The following MYO3B variants were observed in gnomAD, a reference collection of about 807,000 sequenced individuals.
MYO3B encodes myosin-IIIb.
A neutral mutation model predicts 174.6 loss-of-function variants in MYO3B; 156 were observed. The ratio of observed to expected loss-of-function variants is 0.89; its 90% CI spans 0.78 to 1.02. The LOEUF is 1.02. Among genes scored for constraint, MYO3B ranks in the 50% least tolerant of loss-of-function variants. The probability of loss-of-function intolerance (pLI) is 0.00; values close to 1 mark genes in which losing one functional copy is unlikely to be tolerated. For synonymous variants in MYO3B, 563 were observed against 569.1 expected (o/e 0.99, Z 0.15); for missense variants, 1,632 against 1,639.4 (o/e 1.00, Z 0.08).
intron 32 of MYO3B, among the ~76,000 whole-genome samples, chr2:170,610,521 A>C (rs946395399): frequency 9.2e-5 from 14 of 152,012 alleles, no homozygotes; most frequent in African/African-American, 3.4e-4. Flanking sequence ...CTAAACAAAA[A>C]CTCACTATAG....
At position 170,500,464 on chromosome 2, in the gene MYO3B, G is replaced by A. The variant is rs189801779; in HGVS notation, c.3289+656G>A. ...GGATTCACACAGTTGAATATCTTCT[G>A]GAGGAGTTTGCCTTTAATAGATAGG... On this transcript the variant is annotated intron_variant, in intron 27 of 34. Coordinates refer to ENST00000408978, the MANE Select transcript of MYO3B (RefSeq NM_138995.5). Among the ~76,000 whole-genome samples, 297 of 152,258 alleles carry A rather than the reference G, an allele frequency of 2.0e-3. 2 individuals are homozygous for A. The highest frequency in any genetic ancestry group is 6.9e-3 in the African/African-American group (286 of 41,550).
Position 170,370,901 on chromosome 2 carries a change from T to TC in MYO3B, c.971+1524_971+1525insC, listed in dbSNP as rs1267526191. ...GATCTATGCTCTCTCTCTCTCTCTC[T>TC]TTTTTTTTCTTTTTTTTTCAAAAAG... On this transcript the variant is annotated intron_variant, in intron 9 of 34. Coordinates refer to ENST00000408978, the MANE Select transcript of MYO3B (RefSeq NM_138995.5). 3.4e-5 allele frequency among the ~76,000 whole-genome samples: 5 copies of TC among 148,016 alleles called. No individual in the cohort carries two copies. In the Admixed American group the frequency reaches 3.4e-4, roughly 10 times the overall value.
intron 25 of MYO3B, among the ~76,000 whole-genome samples, chr2:170,483,163 T>A (rs1032243164): frequency 3.9e-5 from 6 of 152,268 alleles, no homozygotes; most frequent in Admixed American, 2.6e-4. Context: ...GGTGGCAGAA[T>A]AATAAGCCCA....
chr2:170,206,815 A>G lies in MYO3B; in HGVS notation c.321+6531A>G, dbSNP rs78396085. On this transcript the variant is annotated intron_variant, in intron 3 of 34. Transcript: ENST00000408978. This position sits in a 1 kb window ranked among gnomAD's most constrained non-coding sequence, Gnocchi z 4.3. Reference sequence around the variant, plus strand: ...GTGAGGGCAGAGGCTTCGGAACTGTATTGTAACCACAAAGTCCTTGTGATA... The same window carrying G: ...GTGAGGGCAGAGGCTTCGGAACTGTGTTGTAACCACAAAGTCCTTGTGATA... Among the ~76,000 whole-genome samples the G allele has an allele frequency of 6.6e-3, 1,010 of 152,164 alleles. 8 individuals carry two copies. Among genetic ancestry groups the G allele is most frequent in the African/African-American group, 0.023 (960 of 41,508 alleles).
At chr2:170,331,681 G>A (rs1189557376) in intron 7 of MYO3B, among the ~76,000 whole-genome samples, 1 of 152,154 alleles carries the variant, frequency 6.6e-6, no homozygotes, top group Non-Finnish European at 1.5e-5. Context: ...TCTTAAGGCT[G>A]AGGGGAAATT....
At chr2:170,369,102 T>C in intron 8 of MYO3B, 120 bp from the exon 9 acceptor site, 1 of 767,830 alleles carries the variant, frequency 1.3e-6, no homozygotes, top group African/African-American at 1.7e-5. Context: ...GAGCTGTGTA[T>C]CATTAACCAA....
chr2:170,291,936 G>A (rs539087769), intron 7 of MYO3B, among the ~76,000 whole-genome samples: 1 of 152,100 alleles, frequency 6.6e-6, no homozygotes, highest in South Asian at 2.1e-4. Flanking sequence ...TCTGTTTGGT[G>A]TTCTTTGACC....
chr2:170,183,818 G>C (rs2092432022), intron 1 of MYO3B, among the ~76,000 whole-genome samples: 1 of 152,074 alleles, frequency 6.6e-6, no homozygotes, highest in Non-Finnish European at 1.5e-5. Flanking sequence ...TTTGGTTTGA[G>C]AGATATGTTT....
intron 8 of MYO3B, among the ~76,000 whole-genome samples, chr2:170,343,080 CCT>C: frequency 6.7e-6 from 1 of 149,090 alleles, no homozygotes; most frequent in African/African-American, 2.5e-5. Context: ...CACACACACC[CCT>C]CTCCACCCCT....
chr2:170,401,836 G>A (rs867715968), intron 18 of MYO3B, 145 bp downstream of exon 18: 3 of 752,702 alleles, frequency 4.0e-6, no homozygotes, highest in East Asian at 5.5e-5. Context: ...AGAGTCTCAC[G>A]CTGTTGCCCA....
At chr2:170,475,227 G>A (rs1398837180) in intron 25 of MYO3B, among the ~76,000 whole-genome samples, 3 of 151,992 alleles carry the variant, frequency 2.0e-5, no homozygotes, top group Admixed American at 6.6e-5. Flanking sequence ...CTTCCCTTTC[G>A]CAGGGTCTCT....
intron 32 of MYO3B, among the ~76,000 whole-genome samples, chr2:170,608,693 C>T (rs575879403): frequency 1.3e-5 from 2 of 152,082 alleles, no homozygotes; most frequent in African/African-American, 4.8e-5. Context: ...GACAGACAGA[C>T]AGACAGACAG....
chr2:170,179,120 GC>G (rs1004304147), intron 1 of MYO3B, among the ~76,000 whole-genome samples: 19 of 152,144 alleles, frequency 1.2e-4, no homozygotes, highest in Admixed American at 1.2e-3. Context: ...TGCATGGGGG[GC>G]TTAATAGGTG....
chr2:170,256,284 C>G (rs6727921), intron 7 of MYO3B, among the ~76,000 whole-genome samples: 151,755 of 152,288 alleles, frequency 1, 75,611 homozygotes, highest in Middle Eastern at 1. Context: ...AAAATTCAGA[C>G]AACCCCTGTG....
chr2:170,458,158 G>C (rs755699986), intron 23 of MYO3B, among the ~76,000 whole-genome samples: 1 of 152,138 alleles, frequency 6.6e-6, no homozygotes, highest in Non-Finnish European at 1.5e-5. Flanking sequence ...GCTCTGCTTC[G>C]ATATGATTGG....
intron 25 of MYO3B, among the ~76,000 whole-genome samples, chr2:170,478,703 GGGACTAC>G (rs907717874): frequency 3.4e-4 from 52 of 151,120 alleles, no homozygotes; most frequent in Non-Finnish European, 7.1e-4. Flanking sequence ...GTAAGTAGCT[GGGACTAC>G]AGCCAAGCGC....
At chr2:170,342,145 G>C (rs1185320032) in intron 8 of MYO3B, 1 of 152,138 alleles carries the variant, frequency 6.6e-6, no homozygotes, top group Non-Finnish European at 1.5e-5. Context: ...CAGATGCTGG[G>C]TTTAAATCTT....
At chr2:170,399,253 AAAAAAAAAAAAAAGAGAG>A (rs1319365920) in intron 16 of MYO3B, among the ~76,000 whole-genome samples, 1 of 125,120 alleles carries the variant, frequency 8.0e-6, no homozygotes, top group Non-Finnish European at 1.7e-5. Flanking sequence ...AAAAAAAAAA[AAAAAAAAAAAAAAGAGAG>A]AGACCAGTCT....
chr2:170,272,082 C>CTTTT lies in MYO3B; in HGVS notation c.749+35957_749+35960dup, dbSNP rs202163461. 5.5e-3 allele frequency among the ~76,000 whole-genome samples: 804 copies of CTTTT among 147,286 alleles called. 3 individuals are homozygous for CTTTT. The highest frequency in any genetic ancestry group is 0.016 in the South Asian group (74 of 4,640). Reference sequence around the variant, plus strand: ...TTTCTAAATAGTGACAGAAGGGAAACTTTTTTTTTTTTTTAACTTGGCCCA... The same window carrying CTTTT: ...TTTCTAAATAGTGACAGAAGGGAAACTTTTTTTTTTTTTTTTTTAACTTGGCCCA... On this transcript the variant is annotated intron_variant, in intron 7 of 34. Transcript: ENST00000408978.
Sources: gnomAD v4.1 joint callset for allele counts (sites outside exome capture counted in the v4.1 genomes callset) on GRCh38, gnomAD v4.1.1 for gene constraint, Gnocchi (gnomAD v3.1) non-coding constraint, MANE v1.5 for transcripts, NCBI Gene and HGNC (gene_info 2026-07-23, HGNC 2026-07-21) for gene names.